Variants in TMOD2 observed in about 807,000 individuals in gnomAD.
TMOD2 encodes the protein tropomodulin 2, also known as tropomodulin-2.
In TMOD2, 22 loss-of-function variants were observed where a neutral mutation model predicts 39.9. The observed-to-expected ratio is 0.55, with a 90% CI of 0.39 to 0.79. The LOEUF (loss-of-function observed/expected upper bound fraction) is 0.79. Among genes scored for constraint, TMOD2 ranks in the 30% least tolerant of loss-of-function variants. The pLI, the probability that TMOD2 is intolerant of heterozygous loss-of-function variation, is 0.00. For synonymous variants in TMOD2, 123 were observed against 146.1 expected (o/e 0.84, Z 1.14); for missense variants, 386 against 413.3 (o/e 0.93, Z 0.57).
intron 5 of TMOD2, among the ~76,000 whole-genome samples, chr15:51,778,505 A>C (rs1428268737): frequency 8.3e-6 from 1 of 120,764 alleles, no homozygotes; most frequent in Non-Finnish European, 1.8e-5. Context: ...AAAATTAAAA[A>C]TTAAAAAAAA....
chr15:51,798,085 T>G, intron 7 of TMOD2, 112 bp from the exon 8 acceptor site: 4 of 911,410 alleles, frequency 4.4e-6, no homozygotes, highest in Non-Finnish European at 4.8e-6. Context: ...GATGAAGGTT[T>G]TCTTTAAGTG....
In TMOD2 at chr15:51,808,742, G is replaced by C; in HGVS notation, c.*288G>C. 1 of 296,324 alleles carries C rather than the reference G, an allele frequency of 3.4e-6. No homozygotes were observed. The highest frequency in any genetic ancestry group is 5.0e-5 in the Admixed American group (1 of 20,170). 18.4% of individuals were successfully genotyped at this position (296,324 alleles called of 1,614,324 possible). On this transcript the variant is annotated 3_prime_UTR_variant, in exon 10 of 10. Coordinates refer to ENST00000249700, the MANE Select transcript of TMOD2 (RefSeq NM_014548.4). ...ATGAATTTAACCACTTTCTTATTGGGTTGTCTTGCTTTCTTACATGAACTT... is the reference window on the plus strand; with the variant it reads ...ATGAATTTAACCACTTTCTTATTGGCTTGTCTTGCTTTCTTACATGAACTT...
At chr15:51,783,368 G>C (rs1181397703) in intron 7 of TMOD2, 1 of 153,408 alleles carries the variant, frequency 6.5e-6, no homozygotes, top group Non-Finnish European at 1.4e-5. Context: ...TGTAGTCCCA[G>C]CTACTTAGGA....
At chr15:51,760,052 C>A (rs1285501225) in intron 1 of TMOD2, among the ~76,000 whole-genome samples, 1 of 152,196 alleles carries the variant, frequency 6.6e-6, no homozygotes, top group Non-Finnish European at 1.5e-5. Context: ...CTAAATAGAT[C>A]ATCTTCCTGG....
At chr15:51,801,029 G>A (rs1595878345) in intron 8 of TMOD2, among the ~76,000 whole-genome samples, 2 of 152,030 alleles carry the variant, frequency 1.3e-5, no homozygotes, top group Non-Finnish European at 2.9e-5. Flanking sequence ...ATTTGTATAC[G>A]ACAAGGAGGA....
At chr15:51,782,938 A>G (rs967157777) in intron 7 of TMOD2, 110 bp downstream of exon 7, 1 of 993,612 alleles carries the variant, frequency 1.0e-6, no homozygotes, top group Non-Finnish European at 1.5e-6. Context: ...CTTACCTTCT[A>G]CACAGTTAGT....
At chr15:51,764,624 G>A (rs1026378965) in intron 1 of TMOD2, among the ~76,000 whole-genome samples, 38 of 152,164 alleles carry the variant, frequency 2.5e-4, no homozygotes, top group African/African-American at 8.7e-4. Context: ...TTAGCAAGGC[G>A]CAGAAGGAAG....
intron 4 of TMOD2, among the ~76,000 whole-genome samples, chr15:51,775,464 C>T (rs1274171047): frequency 6.6e-6 from 1 of 151,926 alleles, no homozygotes; most frequent in African/African-American, 2.4e-5. Context: ...GAGCATAGGG[C>T]CAGAGCAAGA....
intron 8 of TMOD2, among the ~76,000 whole-genome samples, chr15:51,803,171 T>A (rs1339212067): frequency 8.9e-6 from 1 of 112,000 alleles, no homozygotes; most frequent in Non-Finnish European, 2.0e-5. Flanking sequence ...ATATCTTCTT[T>A]TTTTTTTTTT....
At chr15:51,795,609 TC>T in intron 7 of TMOD2, among the ~76,000 whole-genome samples, 1 of 131,210 alleles carries the variant, frequency 7.6e-6, no homozygotes, top group East Asian at 2.3e-4. Context: ...TTTCTTTCTT[TC>T]TTTCTTTCTT....
chr15:51,778,976 A>T (rs1373442857), intron 5 of TMOD2, among the ~76,000 whole-genome samples: 1 of 151,932 alleles, frequency 6.6e-6, no homozygotes. Flanking sequence ...TATTTTTTTG[A>T]GATAGAGGCT....
intron 3 of TMOD2, among the ~76,000 whole-genome samples, chr15:51,770,956 A>G (rs373693512): frequency 1.3e-5 from 2 of 152,218 alleles, no homozygotes; most frequent in African/African-American, 2.4e-5. Context: ...CAAATCTTCA[A>G]TGAAGTCCCA....
At chr15:51,766,655 T>C in intron 2 of TMOD2, 88 bp downstream of exon 2, 1 of 1,377,432 alleles carries the variant, frequency 7.3e-7, no homozygotes, top group Non-Finnish European at 1.0e-6. Flanking sequence ...AGAAATCCCT[T>C]AGCTCGGAAT....
At chr15:51,805,312 G>A (rs2056115280) in intron 8 of TMOD2, among the ~76,000 whole-genome samples, 1 of 151,648 alleles carries the variant, frequency 6.6e-6, no homozygotes, top group African/African-American at 2.4e-5. Context: ...TTTTTCATTA[G>A]TTTATGTCTC....
At chr15:51,787,032 A>G (rs1009097000) in intron 7 of TMOD2, among the ~76,000 whole-genome samples, 2 of 152,172 alleles carry the variant, frequency 1.3e-5, no homozygotes, top group East Asian at 3.9e-4. Flanking sequence ...GCATCACCTC[A>G]CCCGGGAAGG....
intron 3 of TMOD2, 105 bp downstream of exon 3, chr15:51,768,523 GGA>G: frequency 8.6e-7 from 1 of 1,165,068 alleles, no homozygotes; most frequent in Non-Finnish European, 1.2e-6. Flanking sequence ...TTATTGTCGT[GGA>G]GGATCAAGCA....
rs559472125 is a variant in TMOD2, at chr15:51,778,798, G to T, written c.493+1780G>T. Among the ~76,000 whole-genome samples the T allele has an allele frequency of 2.0e-5, 3 of 151,878 alleles. No individual in the cohort carries two copies. In the East Asian group the frequency reaches 5.8e-4, roughly 29 times the overall value. ...GCCTCTTGAGTAGCTGGGACTACAG[G>T]CATGTGCCACCACACCCAACTAATT... On this transcript the variant is annotated intron_variant, in intron 5 of 9. Coordinates refer to ENST00000249700, the MANE Select transcript of TMOD2 (RefSeq NM_014548.4).
At chr15:51,796,896 G>A (rs1483516442) in intron 7 of TMOD2, among the ~76,000 whole-genome samples, 1 of 152,120 alleles carries the variant, frequency 6.6e-6, no homozygotes, top group East Asian at 1.9e-4. Context: ...CGGTGATCCT[G>A]GCTCATCCAG....
intron 4 of TMOD2, among the ~76,000 whole-genome samples, chr15:51,775,570 CTTTTT>C (rs869308022): frequency 4.9e-5 from 4 of 81,210 alleles, no homozygotes; most frequent in Non-Finnish European, 8.6e-5. Flanking sequence ...ATTCTTTTTC[CTTTTT>C]TTTTTTTTTT....
Sources: allele counts gnomAD v4.1 joint callset (sites outside exome capture counted in the v4.1 genomes callset), GRCh38; gene constraint gnomAD v4.1.1; transcripts MANE v1.5; gene names NCBI Gene and HGNC (gene_info 2026-07-23, HGNC 2026-07-21).